SGCD: variants seen among roughly 807,000 people sequenced by gnomAD.
SGCD encodes sarcoglycan delta.
In SGCD, 18 loss-of-function variants were observed where a neutral mutation model predicts 36.6. The observed-to-expected ratio is 0.49, with a 90% CI of 0.34 to 0.73. The LOEUF is 0.73. Ranked by LOEUF, SGCD falls within the 30% of genes least tolerant of loss-of-function variation. SGCD has a pLI of 0.01. For missense variants in SGCD, 387 were observed against 346.7 expected, an observed-to-expected ratio of 1.12 and a Z score of -0.92; for synonymous variants, 133 against 130.6, an observed-to-expected ratio of 1.02 and a Z score of -0.12.
chr5:156,704,156 A>T (rs1405736599), intron 7 of SGCD: 1 of 152,170 alleles, frequency 6.6e-6, no homozygotes, highest in Non-Finnish European at 1.5e-5. Context: ...TTGAAATTCC[A>T]CTTTACTCTT....
chr5:156,081,034 T>C (rs967207116), intron 1 of SGCD, among the ~76,000 whole-genome samples: 13 of 152,212 alleles, frequency 8.5e-5, no homozygotes, highest in African/African-American at 2.9e-4. Context: ...GAAAATAGGT[T>C]TCATTGGCTC....
At chr5:156,160,915 G>GA (rs1763072493) in intron 3 of SGCD, among the ~76,000 whole-genome samples, 1 of 151,692 alleles carries the variant, frequency 6.6e-6, no homozygotes, top group African/African-American at 2.4e-5. Context: ...TAGCCTTTGT[G>GA]TAGCACAAGG....
Position 156,759,813 on chromosome 5 carries a change from TA to T in SGCD, c.*424del, listed in dbSNP as rs1444391920. The T allele has an allele frequency of 6.6e-6, 1 of 152,120 alleles. No homozygotes were observed. The highest frequency in any genetic ancestry group is 2.4e-5 in the African/African-American group (1 of 41,404). The allele number at this position is 152,120 out of a possible 1,614,324, so 9.4% of individuals were successfully genotyped here. A position where few individuals can be genotyped will look rare whatever the true frequency, so the allele number is the denominator to read the frequency against. ...AGCATATCTTCTCTTTTAGTGTCAT[TA>T]CGAGGGAGTGATGGCGGGAATCTCA... On this transcript the variant is annotated 3_prime_UTR_variant, in exon 9 of 9. Transcript: ENST00000337851.
intron 3 of SGCD, among the ~76,000 whole-genome samples, chr5:156,489,155 A>T (rs1755830276): frequency 6.6e-6 from 1 of 152,108 alleles, no homozygotes; most frequent in African/African-American, 2.4e-5. Context: ...TTACAAAAGG[A>T]TCAATTCAGC....
intron 6 of SGCD, among the ~76,000 whole-genome samples, chr5:156,606,430 G>C (rs1761457908): frequency 6.6e-6 from 1 of 152,180 alleles, no homozygotes; most frequent in Admixed American, 6.5e-5. Flanking sequence ...CCAGTACCAT[G>C]CTGTTTTGGT....
chr5:156,476,144 T>G (rs1755167503), intron 3 of SGCD, among the ~76,000 whole-genome samples: 1 of 152,106 alleles, frequency 6.6e-6, no homozygotes, highest in Non-Finnish European at 1.5e-5. Flanking sequence ...ATCTAAGTAG[T>G]CCCCTACATG....
chr5:156,697,943 A>AG (rs147371273), intron 7 of SGCD, among the ~76,000 whole-genome samples: 2,674 of 152,330 alleles, frequency 0.018, 33 homozygotes, highest in Non-Finnish European at 0.029. Context: ...CAGGAGAAAG[A>AG]GGGGAGGAAG....
At chr5:156,711,246 T>C (rs1754980290) in intron 7 of SGCD, among the ~76,000 whole-genome samples, 1 of 152,116 alleles carries the variant, frequency 6.6e-6, no homozygotes, top group Non-Finnish European at 1.5e-5. Context: ...TTATTTTTGG[T>C]TTGCAGGTGC....
intron 3 of SGCD, among the ~76,000 whole-genome samples, chr5:156,264,779 A>G (rs1212192494): frequency 1.3e-5 from 2 of 152,142 alleles, no homozygotes; most frequent in East Asian, 1.9e-4. Flanking sequence ...ACCTACTAGC[A>G]TGTAACAAGG....
chr5:156,076,602 T>C (rs917452751), intron 1 of SGCD, among the ~76,000 whole-genome samples: 1 of 152,340 alleles, frequency 6.6e-6, no homozygotes, highest in Non-Finnish European at 1.5e-5. Context: ...TGAAGTTTGA[T>C]ATCTGATATT....
At chr5:155,801,532 G>A in the SGCD span, among the ~76,000 whole-genome samples, 1 of 152,136 alleles carries the variant, frequency 6.6e-6, no homozygotes, top group Non-Finnish European at 1.5e-5. Context: ...TCTCCTCTGG[G>A]ACTTCAATAG....
At chr5:156,069,610 C>A (rs562389926) in intron 1 of SGCD, among the ~76,000 whole-genome samples, 4 of 152,120 alleles carry the variant, frequency 2.6e-5, no homozygotes, top group Admixed American at 1.3e-4. Context: ...AATGCGGGCT[C>A]TTTTTTGGTT....
chr5:155,778,490 T>G, the SGCD span, among the ~76,000 whole-genome samples: 1 of 152,202 alleles, frequency 6.6e-6, no homozygotes, highest in African/African-American at 2.4e-5. Flanking sequence ...ACAGCAGTGC[T>G]AAAAGGGCTA....
the SGCD span, among the ~76,000 whole-genome samples, chr5:155,799,812 C>T: frequency 0.061 from 3,582 of 58,934 alleles, 48 homozygotes; most frequent in East Asian, 0.085. Flanking sequence ...TCCTATTCCC[C>T]TTTTTTTTTT....
intron 1 of SGCD, among the ~76,000 whole-genome samples, chr5:155,956,498 G>A (rs1038875581): frequency 2.0e-5 from 3 of 152,044 alleles, no homozygotes; most frequent in Non-Finnish European, 2.9e-5. Flanking sequence ...TATTTTCATC[G>A]TCCTGAGGAT....
At chr5:156,371,198 A>C (rs1024461941) in intron 3 of SGCD, among the ~76,000 whole-genome samples, 4 of 152,196 alleles carry the variant, frequency 2.6e-5, no homozygotes, top group Non-Finnish European at 5.9e-5. Flanking sequence ...ATTGAGACCA[A>C]TTGAAGCAGT....
At chr5:155,889,391 A>G (rs1474066197) in intron 1 of SGCD, among the ~76,000 whole-genome samples, 1 of 152,100 alleles carries the variant, frequency 6.6e-6, no homozygotes, top group African/African-American at 2.4e-5. Flanking sequence ...ATGTTTCTAT[A>G]AAGAAGTTTG....
chr5:156,524,577 C>T (rs1757569740), intron 4 of SGCD, among the ~76,000 whole-genome samples: 1 of 151,700 alleles, frequency 6.6e-6, no homozygotes, highest in South Asian at 2.1e-4. Context: ...ACATAATTGC[C>T]TTATTTTATG....
chr5:156,757,409 C>T (rs1319491521), intron 7 of SGCD, among the ~76,000 whole-genome samples, 172 bp from the exon 8 acceptor site: 1 of 151,804 alleles, frequency 6.6e-6, no homozygotes, highest in East Asian at 1.9e-4. Context: ...AAGATAAAGC[C>T]TAGACTTATT....
Sources: allele counts gnomAD v4.1 joint callset (sites outside exome capture counted in the v4.1 genomes callset), GRCh38; gene constraint gnomAD v4.1.1; transcripts MANE v1.5; gene names NCBI Gene and HGNC (gene_info 2026-07-23, HGNC 2026-07-21).